RANGAP1: variants seen among roughly 807,000 people sequenced by gnomAD.
RANGAP1 encodes the protein ran GTPase-activating protein 1.
A neutral mutation model predicts 63.5 loss-of-function variants in RANGAP1; 38 were observed. That is an observed-to-expected ratio of 0.60 (90% CI 0.46 to 0.78). RANGAP1 has a LOEUF of 0.78. RANGAP1 is among the 30% of genes least tolerant of loss of function. RANGAP1 has a pLI of 0.00. For synonymous variants in RANGAP1, 329 were observed against 310.5 expected (o/e 1.06, Z -0.63); for missense variants, 630 against 740.3 (o/e 0.85, Z 1.73).
intron 1 of RANGAP1, among the ~76,000 whole-genome samples, chr22:41,284,025 G>T (rs1296366188): frequency 1.3e-5 from 2 of 152,148 alleles, no homozygotes; most frequent in African/African-American, 4.8e-5. Context: ...GAGGTGGGCG[G>T]ATCACGAGGT....
At chr22:41,291,920 A>G in the RANGAP1 span, among the ~76,000 whole-genome samples, 6 of 151,040 alleles carry the variant, frequency 4.0e-5, no homozygotes, top group African/African-American at 1.2e-4. Flanking sequence ...AATAATAATA[A>G]TAATTCCTTT....
intron 13 of RANGAP1, among the ~76,000 whole-genome samples, chr22:41,250,769 A>C (rs2145682596): frequency 6.6e-6 from 1 of 152,076 alleles, no homozygotes; most frequent in East Asian, 1.9e-4. Flanking sequence ...TATGGGTTCT[A>C]ACTGTACATG....
chr22:41,270,761 C>T (rs757100463), intron 3 of RANGAP1, among the ~76,000 whole-genome samples: 2 of 152,192 alleles, frequency 1.3e-5, no homozygotes, highest in East Asian at 1.9e-4. Context: ...TAAAGCAGAC[C>T]ATGAACACAC....
chr22:41,283,253 G>A (rs990517304), intron 1 of RANGAP1, among the ~76,000 whole-genome samples: 1 of 151,590 alleles, frequency 6.6e-6, no homozygotes, highest in African/African-American at 2.4e-5. Flanking sequence ...GTTCACGGCT[G>A]TAATCTCAGC....
Position 41,270,066 on chromosome 22 carries a change from C to T in RANGAP1, c.241-1910G>A, listed in dbSNP as rs747013972. ...GCCAAGCTGGTCTTGAACTCTCGACCTCAGGTGATCCACCCACCTCAGCCT... is the reference window on the plus strand; with the variant it reads ...GCCAAGCTGGTCTTGAACTCTCGACTTCAGGTGATCCACCCACCTCAGCCT... On this transcript the variant is annotated intron_variant, in intron 3 of 15. Coordinates refer to ENST00000356244, the MANE Select transcript of RANGAP1 (RefSeq NM_002883.4). Among the ~76,000 whole-genome samples the T allele has an allele frequency of 9.3e-4, 141 of 152,052 alleles. 1 individual carries two copies. Among genetic ancestry groups the T allele is most frequent in the Non-Finnish European group, 1.9e-3 (129 of 67,998 alleles).
At chr22:41,259,789 G>C (rs2034056170) in intron 6 of RANGAP1, among the ~76,000 whole-genome samples, 1 of 152,128 alleles carries the variant, frequency 6.6e-6, no homozygotes, top group Non-Finnish European at 1.5e-5. Context: ...GATTACCTGA[G>C]GTCAGGAGTT....
At position 41,254,512 on chromosome 22, in the gene RANGAP1, T is replaced by C; in HGVS notation, c.1074-18A>G. On this transcript the variant is annotated intron_variant, in intron 10 of 15. Coordinates refer to ENST00000356244, the MANE Select transcript of RANGAP1 (RefSeq NM_002883.4). ...CGTCATCACTGCAGAAAGAGCTGGC[T>C]GAAGCAGATCCTCTCTACCCAGCAG... 1 of 1,568,654 alleles carries C rather than the reference T, an allele frequency of 6.4e-7. No homozygotes were observed. The highest frequency in any genetic ancestry group is 8.6e-7 in the Non-Finnish European group (1 of 1,162,952).
chr22:41,258,472 T>C (rs553966864), intron 6 of RANGAP1, among the ~76,000 whole-genome samples: 4 of 152,264 alleles, frequency 2.6e-5, no homozygotes, highest in Admixed American at 2.6e-4. Flanking sequence ...CTGGATGACA[T>C]AGCTCCATGT....
the RANGAP1 span, among the ~76,000 whole-genome samples, chr22:41,297,613 G>T: frequency 6.7e-6 from 1 of 149,020 alleles, no homozygotes; most frequent in Non-Finnish European, 1.5e-5. Context: ...TTGGCTCAAG[G>T]ATCCTCCGCT....
At chr22:41,275,666 C>G (rs1283648955) in intron 2 of RANGAP1, among the ~76,000 whole-genome samples, 1 of 152,058 alleles carries the variant, frequency 6.6e-6, no homozygotes, top group Admixed American at 6.6e-5. Flanking sequence ...GTAATCCCAG[C>G]TACTCAGGAA....
the RANGAP1 span, among the ~76,000 whole-genome samples, chr22:41,301,130 G>C: frequency 6.6e-6 from 1 of 152,044 alleles, no homozygotes; most frequent in African/African-American, 2.4e-5. Context: ...GCCAAGTGAG[G>C]TCCTGATTCT....
intron 15 of RANGAP1, among the ~76,000 whole-genome samples, chr22:41,246,881 G>A (rs1207873063): frequency 6.6e-6 from 1 of 152,208 alleles, no homozygotes; most frequent in Non-Finnish European, 1.5e-5. Flanking sequence ...ACACAGCCCA[G>A]AGCTGGCCAG....
intron 2 of RANGAP1, among the ~76,000 whole-genome samples, chr22:41,277,071 AT>A (rs1033324630): frequency 0.02 from 1,812 of 90,262 alleles, 6 homozygotes; most frequent in African/African-American, 0.07. Flanking sequence ...GAAAGTGAGG[AT>A]TTTTTTTTTT....
At chr22:41,284,727 C>T (rs1764063136) in intron 1 of RANGAP1, among the ~76,000 whole-genome samples, 1 of 152,096 alleles carries the variant, frequency 6.6e-6, no homozygotes, top group Non-Finnish European at 1.5e-5. Context: ...CAAAAACTAG[C>T]TGGGTGTGGT....
intron 6 of RANGAP1, among the ~76,000 whole-genome samples, chr22:41,258,606 G>C (rs1376204540): frequency 6.6e-6 from 1 of 152,118 alleles, no homozygotes; most frequent in African/African-American, 2.4e-5. Flanking sequence ...TCACAGCCTG[G>C]CCTTTTGATA....
chr22:41,247,047 TTTTC>T (rs1214609254), intron 15 of RANGAP1, among the ~76,000 whole-genome samples: 2 of 152,132 alleles, frequency 1.3e-5, no homozygotes, highest in African/African-American at 2.4e-5. Context: ...TGGTTGCTTT[TTTTC>T]TTTTTCTTTT....
chr22:41,291,153 C>T (rs117471143), upstream of RANGAP1, among the ~76,000 whole-genome samples: 588 of 152,340 alleles, frequency 3.9e-3, 3 homozygotes, highest in Middle Eastern at 0.034. Flanking sequence ...CATCTATGTT[C>T]CAATAGGCAC....
chr22:41,275,830 C>T (rs2035109143), intron 2 of RANGAP1, among the ~76,000 whole-genome samples: 1 of 151,602 alleles, frequency 6.6e-6, no homozygotes, highest in Non-Finnish European at 1.5e-5. Flanking sequence ...CCTGTAGTCT[C>T]AGCTACTTGG....
At chr22:41,297,078 C>T in the RANGAP1 span, among the ~76,000 whole-genome samples, 3,582 of 152,200 alleles carry the variant, frequency 0.024, 143 homozygotes, top group African/African-American at 0.078. Flanking sequence ...GGTGTGGTGG[C>T]GCATATCTGT....
Sources: gnomAD v4.1 joint callset for allele counts (sites outside exome capture counted in the v4.1 genomes callset) on GRCh38, gnomAD v4.1.1 for gene constraint, MANE v1.5 for transcripts, NCBI Gene and HGNC (gene_info 2026-07-23, HGNC 2026-07-21) for gene names.